Variants in ABCG1 observed in about 807,000 individuals in gnomAD.
The protein encoded by ABCG1 is ATP binding cassette subfamily G member 1.
ABCG1 carries 29 observed loss-of-function variants against 69.2 expected under a neutral mutation model. The observed-to-expected ratio is 0.42, with a 90% CI of 0.31 to 0.57. The LOEUF is 0.57. ABCG1 is among the 20% of genes least tolerant of loss of function. The probability of loss-of-function intolerance (pLI) is 0.15; values close to 1 mark genes in which losing one functional copy is unlikely to be tolerated. For missense variants in ABCG1, 718 were observed against 898.1 expected, an observed-to-expected ratio of 0.80 and a Z score of 2.56; for synonymous variants, 370 against 374.8, an observed-to-expected ratio of 0.99 and a Z score of 0.15.
chr21:42,286,934 T>A (rs2146331794), intron 8 of ABCG1, among the ~76,000 whole-genome samples: 1 of 152,176 alleles, frequency 6.6e-6, no homozygotes, highest in African/African-American at 2.4e-5. Context: ...TGTAGGCTCG[T>A]TTGGAGCCCT....
At chr21:42,241,700 T>C (rs978103727) in intron 2 of ABCG1, among the ~76,000 whole-genome samples, 17 of 151,776 alleles carry the variant, frequency 1.1e-4, no homozygotes, top group African/African-American at 4.1e-4. Flanking sequence ...GCATTAAAAA[T>C]GCCCTGCTGG....
At chr21:42,250,960 AG>A (rs1394887156) in intron 2 of ABCG1, among the ~76,000 whole-genome samples, 3 of 152,200 alleles carry the variant, frequency 2.0e-5, no homozygotes, top group Non-Finnish European at 4.4e-5. Flanking sequence ...TATTGCTGGC[AG>A]GAACGGCAGG....
Position 42,282,332 on chromosome 21 carries a change from G to A in ABCG1, c.647G>A (p.Ser216Asn), listed in dbSNP as rs761202119. The change falls in exon 6 of 15, where the codon AGC becomes AAC. Residue 216 changes from serine (S) to asparagine (N), a missense_variant. Coordinates refer to ENST00000398449, the MANE Select transcript of ABCG1 (RefSeq NM_016818.3). ...LLSCANTRTG[S>N]LSGGQRKRLA... ...TCTTGCGCCAACACGCGGACCGGGA[G>A]CCTGTCAGGTGGTCAGCGCAAGCGC... The A allele has an allele frequency of 6.2e-7, 1 of 1,613,632 alleles. No individual in the cohort carries two copies. The highest frequency in any genetic ancestry group is 1.7e-5 in the Admixed American group (1 of 60,024).
chr21:42,247,437 G>C (rs2068149723), intron 2 of ABCG1, among the ~76,000 whole-genome samples: 1 of 152,232 alleles, frequency 6.6e-6, no homozygotes, highest in Non-Finnish European at 1.5e-5. Flanking sequence ...AAGAGGGGCA[G>C]AACCCGGGGG....
intron 2 of ABCG1, among the ~76,000 whole-genome samples, chr21:42,253,365 A>T (rs910658884): frequency 3.3e-5 from 5 of 152,164 alleles, no homozygotes; most frequent in African/African-American, 1.2e-4. Context: ...GTTTGGGGGA[A>T]AGCTGGGACC....
chr21:42,211,701 G>A (rs528712104), upstream of ABCG1, among the ~76,000 whole-genome samples: 56 of 150,662 alleles, frequency 3.7e-4, no homozygotes, highest in African/African-American at 1.3e-3. Context: ...CCAACATGGC[G>A]AAATCCTGTC....
chr21:42,245,383 G>GT (rs1303690123), intron 2 of ABCG1, among the ~76,000 whole-genome samples: 1 of 152,168 alleles, frequency 6.6e-6, no homozygotes, highest in Non-Finnish European at 1.5e-5. Context: ...TCTCCAATTG[G>GT]TTTTAGGCAT....
In ABCG1 at chr21:42,225,883, G is replaced by A. The variant is rs372673869; in HGVS notation, c.255G>A (p.Ser85=). The A allele has an allele frequency of 1.7e-5, 28 of 1,613,262 alleles. 1 individual carries two copies. The highest frequency in any genetic ancestry group is 1.2e-4 in the African/African-American group (9 of 74,842). ...VNIEFRDLSY[S]VPEGPWWRKK... is the part of the protein sequence containing the mutation. ...TTGAATTCAGGGACCTTTCCTATTC[G>A]GTTCCTGAAGGACCCTGGTGGAGGA... Residue 85 remains serine (S), a synonymous_variant, in exon 2 of 15, where the codon TCG becomes TCA. Transcript: ENST00000398449.
chr21:42,200,746 G>A (rs7283103), intron 1 of ABCG1, among the ~76,000 whole-genome samples: 15,157 of 151,606 alleles, frequency 0.1, 788 homozygotes, highest in East Asian at 0.21. Flanking sequence ...GCACCATGAC[G>A]CCCAGCTATC....
chr21:42,235,624 A>C (rs1324264777), intron 2 of ABCG1, among the ~76,000 whole-genome samples: 2 of 152,220 alleles, frequency 1.3e-5, no homozygotes, highest in Non-Finnish European at 2.9e-5. Flanking sequence ...AGGTAAATTT[A>C]AATTTTTTTC....
At chr21:42,235,281 G>A (rs981625831) in intron 2 of ABCG1, among the ~76,000 whole-genome samples, 1 of 152,220 alleles carries the variant, frequency 6.6e-6, no homozygotes, top group African/African-American at 2.4e-5. Flanking sequence ...ATGCTGGTGT[G>A]GTGTCCGCAG....
rs1479153838 is a variant in ABCG1 at position 42,252,669 on chromosome 21, G to T, written c.287-18401G>T. The stretch of plus-strand genomic sequence containing the variant: ...CAAATAAACCTTTAATCACAGAAAA[G>T]GTGCTTGGAAGGACAAGGGGCACCT... On this transcript the variant is annotated intron_variant, in intron 2 of 14. Coordinates refer to ENST00000398449, the MANE Select transcript of ABCG1 (RefSeq NM_016818.3). Among the ~76,000 whole-genome samples the T allele has an allele frequency of 3.9e-5, 6 of 152,248 alleles. No individual in the cohort carries two copies. In the East Asian group the frequency reaches 1.2e-3, roughly 29 times the overall value.
chr21:42,256,558 A>C, intron 2 of ABCG1: 2 of 1,544,246 alleles, frequency 1.3e-6, no homozygotes, highest in Non-Finnish European at 1.8e-6. Flanking sequence ...TCCCATCTGC[A>C]TTCTCTGGGA....
intron 6 of ABCG1, 37 bp from the exon 7 acceptor site, chr21:42,284,523 C>T (rs777861260): frequency 5.9e-5 from 95 of 1,606,130 alleles, no homozygotes; most frequent in Middle Eastern, 3.3e-4. Context: ...TAGTTCCTGC[C>T]GCCCGCAGGC....
At chr21:42,251,730 GA>G (rs1020208339) in intron 2 of ABCG1, among the ~76,000 whole-genome samples, 5 of 152,196 alleles carry the variant, frequency 3.3e-5, no homozygotes, top group African/African-American at 1.2e-4. Flanking sequence ...GTCCTAGAGG[GA>G]GACAGTGGGG....
intron 2 of ABCG1, among the ~76,000 whole-genome samples, chr21:42,262,755 A>G (rs1483594095): frequency 1.3e-5 from 2 of 152,198 alleles, no homozygotes; most frequent in Non-Finnish European, 2.9e-5. Flanking sequence ...CTGCTGACCT[A>G]CCGTGTGACC....
At position 42,255,463 on chromosome 21, in the gene ABCG1, C is replaced by T. The variant is rs868320934; in HGVS notation, c.287-15607C>T. Among the ~76,000 whole-genome samples, 11 of 152,130 alleles carry T rather than the reference C, an allele frequency of 7.2e-5. No individual in the cohort carries two copies. In the East Asian group the frequency reaches 7.7e-4, roughly 11 times the overall value. ...GTCCATGTGTGGGTGTGTGTGCATG[C>T]GCGTGTGCCTGTGTGCACATGGTGT... is the stretch of plus-strand genomic sequence containing the variant. On this transcript the variant is annotated intron_variant, in intron 2 of 14. Coordinates refer to ENST00000398449, the MANE Select transcript of ABCG1 (RefSeq NM_016818.3).
intron 2 of ABCG1, among the ~76,000 whole-genome samples, chr21:42,208,096 G>A (rs2067557588): frequency 6.6e-6 from 1 of 152,242 alleles, no homozygotes; most frequent in South Asian, 2.1e-4. Flanking sequence ...GGCATGGGCA[G>A]ACATTTGACC....
chr21:42,277,918 T>C (rs2123756634), intron 5 of ABCG1, among the ~76,000 whole-genome samples: 1 of 152,204 alleles, frequency 6.6e-6, no homozygotes, highest in South Asian at 2.1e-4. Flanking sequence ...ACCACTTTGG[T>C]ATGGAAAAAA....
Sources: gnomAD v4.1 joint callset for allele counts (sites outside exome capture counted in the v4.1 genomes callset) on GRCh38, gnomAD v4.1.1 for gene constraint, MANE v1.5 for transcripts, NCBI Gene and HGNC (gene_info 2026-07-23, HGNC 2026-07-21) for gene names.